Variants in CDH13 observed in about 807,000 individuals in gnomAD.
CDH13 encodes the protein cadherin 13.
CDH13 carries 24 observed loss-of-function variants against 63.8 expected under a neutral mutation model. The ratio of observed to expected loss-of-function variants is 0.38; its 90% CI spans 0.27 to 0.53. CDH13 has a LOEUF of 0.53. Among genes scored for constraint, CDH13 ranks in the 20% least tolerant of loss-of-function variants. CDH13 has a pLI of 0.85. For synonymous variants in CDH13, 503 were observed against 355.3 expected (o/e 1.42, Z -4.67); for missense variants, 1,049 against 903.1 (o/e 1.16, Z -2.07).
At chr16:82,713,743 G>A (rs1421008086) in intron 1 of CDH13, among the ~76,000 whole-genome samples, 1 of 147,312 alleles carries the variant, frequency 6.8e-6, no homozygotes, top group Non-Finnish European at 1.5e-5. Context: ...TTTCACCTAG[G>A]TCTCTGACTA....
At chr16:82,884,461 T>C in intron 2 of CDH13, 2 of 283,568 alleles carry the variant, frequency 7.1e-6, no homozygotes, top group South Asian at 3.7e-5. Context: ...ACCCAGTGCC[T>C]GTAATTTTCA....
At position 83,047,556 on chromosome 16, in the gene CDH13, A is replaced by C. The variant is rs75911132; in HGVS notation, c.366+15338A>C. ...AAGAAGACCTAAAAACTGAATTTTT[A>C]AAATACAAACAGAAAAAAAGCTCCC... On this transcript the variant is annotated intron_variant, in intron 3 of 13. Transcript: ENST00000567109. The surrounding 1 kb of genome is among the most constrained non-coding windows in gnomAD (Gnocchi z 4.9). Among the ~76,000 whole-genome samples, 1,553 of 152,324 alleles carry C rather than the reference A, an allele frequency of 0.01. 21 individuals carry two copies. Among genetic ancestry groups the C allele is most frequent in the African/African-American group, 0.035 (1,438 of 41,542 alleles).
chr16:83,716,822 TC>T (rs1908981624), intron 10 of CDH13, among the ~76,000 whole-genome samples: 1 of 152,160 alleles, frequency 6.6e-6, no homozygotes, highest in Non-Finnish European at 1.5e-5. Flanking sequence ...GGTAAAGTCT[TC>T]CAGTCCTTTT....
intron 4 of CDH13, among the ~76,000 whole-genome samples, chr16:83,132,366 C>T (rs139803541): frequency 6.0e-4 from 91 of 151,970 alleles, no homozygotes; most frequent in Middle Eastern, 3.4e-3. Flanking sequence ...GTTTTGTGCC[C>T]TTTATCTATG....
chr16:83,507,964 A>G (rs912621232), intron 7 of CDH13, among the ~76,000 whole-genome samples: 1 of 151,120 alleles, frequency 6.6e-6, no homozygotes, highest in Non-Finnish European at 1.5e-5. Flanking sequence ...ACCGGGAGGC[A>G]GAGGGTGCAG....
intron 4 of CDH13, among the ~76,000 whole-genome samples, chr16:83,199,988 T>C (rs376369172): frequency 7.9e-5 from 12 of 152,278 alleles, no homozygotes; most frequent in African/African-American, 2.6e-4. Context: ...GCACAGGGAA[T>C]GAAGACGAAT....
At chr16:82,845,751 A>G (rs545466626) in intron 1 of CDH13, among the ~76,000 whole-genome samples, 3 of 152,342 alleles carry the variant, frequency 2.0e-5, no homozygotes, top group South Asian at 2.1e-4. Flanking sequence ...GGCATTCGAC[A>G]TCACTAATTT....
At chr16:83,252,759 G>C (rs902187553) in intron 5 of CDH13, among the ~76,000 whole-genome samples, 6 of 152,086 alleles carry the variant, frequency 3.9e-5, no homozygotes, top group African/African-American at 2.4e-5. Context: ...GTGTAGGAAT[G>C]CTGCTCAGTA....
intron 1 of CDH13, among the ~76,000 whole-genome samples, chr16:82,759,504 G>A (rs541228920): frequency 6.6e-6 from 1 of 151,022 alleles, no homozygotes; most frequent in Non-Finnish European, 1.5e-5. Context: ...TTAAATAGGG[G>A]ATTGTATATT....
chr16:83,323,644 AAAAC>A (rs1236211263), intron 5 of CDH13, among the ~76,000 whole-genome samples: 1 of 152,190 alleles, frequency 6.6e-6, no homozygotes, highest in Admixed American at 6.5e-5. Context: ...AAAATAAAGC[AAAAC>A]AAACAACAAA....
intron 1 of CDH13, among the ~76,000 whole-genome samples, chr16:82,635,281 G>A (rs1409314045): frequency 6.6e-6 from 1 of 152,198 alleles, no homozygotes; most frequent in Non-Finnish European, 1.5e-5. Context: ...GAAGGATCTG[G>A]GCGGCTTCCC....
At chr16:83,094,800 C>T (rs548191343) in intron 3 of CDH13, among the ~76,000 whole-genome samples, 7 of 152,248 alleles carry the variant, frequency 4.6e-5, no homozygotes, top group East Asian at 1.9e-4. Flanking sequence ...CTTGTCAAGG[C>T]GTGGGCATAC....
At chr16:82,856,909 A>G (rs773371472) in intron 1 of CDH13, among the ~76,000 whole-genome samples, 11 of 152,104 alleles carry the variant, frequency 7.2e-5, no homozygotes, top group Admixed American at 7.2e-4. Context: ...CAGAGGGGTG[A>G]GGGAATTGGG....
At chr16:82,972,169 G>A (rs557031490) in intron 2 of CDH13, among the ~76,000 whole-genome samples, 2 of 152,140 alleles carry the variant, frequency 1.3e-5, no homozygotes, top group Non-Finnish European at 2.9e-5. Context: ...AGGACCAGGG[G>A]TTAAAACCAT....
intron 2 of CDH13, among the ~76,000 whole-genome samples, chr16:82,900,619 G>T (rs2041431711): frequency 6.6e-6 from 1 of 152,168 alleles, no homozygotes; most frequent in African/African-American, 2.4e-5. Flanking sequence ...CAGCAGAGAG[G>T]AAGTGATTGA....
intron 13 of CDH13, among the ~76,000 whole-genome samples, chr16:83,791,295 G>C (rs139734934): frequency 0.01 from 1,547 of 152,202 alleles, 24 homozygotes; most frequent in African/African-American, 0.035. Context: ...TCAGGATTTC[G>C]AGACTAGCCT....
At chr16:83,730,653 T>G (rs1315213351) in intron 10 of CDH13, among the ~76,000 whole-genome samples, 4 of 152,164 alleles carry the variant, frequency 2.6e-5, no homozygotes, top group African/African-American at 9.7e-5. Flanking sequence ...TTTGTTTTCG[T>G]TTTTTGGTTT....
chr16:82,758,291 C>G (rs2034697421), intron 1 of CDH13, among the ~76,000 whole-genome samples: 1 of 152,168 alleles, frequency 6.6e-6, no homozygotes, highest in Admixed American at 6.5e-5. Flanking sequence ...ATGAGAATCT[C>G]AGAAAACTTG....
At chr16:83,764,371 G>C (rs969106447) in intron 11 of CDH13, among the ~76,000 whole-genome samples, 2 of 152,156 alleles carry the variant, frequency 1.3e-5, no homozygotes, top group African/African-American at 4.8e-5. Flanking sequence ...CTGACAGCAG[G>C]ACATTTCTAC....
Sources: gnomAD v4.1 joint callset for allele counts (sites outside exome capture counted in the v4.1 genomes callset) on GRCh38, gnomAD v4.1.1 for gene constraint, Gnocchi (gnomAD v3.1) non-coding constraint, MANE v1.5 for transcripts, NCBI Gene and HGNC (gene_info 2026-07-23, HGNC 2026-07-21) for gene names.